Variants in TRPM3 observed in about 807,000 individuals in gnomAD.
TRPM3 encodes the protein long transient receptor potential channel 3.
TRPM3 carries 77 observed loss-of-function variants against 181.2 expected under a neutral mutation model. The ratio of observed to expected loss-of-function variants is 0.42; its 90% CI spans 0.35 to 0.51. The LOEUF is 0.51. Among genes scored for constraint, TRPM3 ranks in the 20% least tolerant of loss-of-function variants. TRPM3 has a pLI of 0.01. For synonymous variants in TRPM3, 745 were observed against 796.4 expected, an observed-to-expected ratio of 0.94 and a Z score of 1.09; for missense variants, 1,759 against 2,196.7, an observed-to-expected ratio of 0.80 and a Z score of 3.98.
At chr9:71,181,309 TTC>T (rs2077387635) in intron 1 of TRPM3, among the ~76,000 whole-genome samples, 1 of 152,008 alleles carries the variant, frequency 6.6e-6, no homozygotes, top group African/African-American at 2.4e-5. Flanking sequence ...AAACTTCAAC[TTC>T]TGTTTTAATA....
chr9:71,018,573 T>C (rs2097806980), intron 1 of TRPM3, among the ~76,000 whole-genome samples: 1 of 151,622 alleles, frequency 6.6e-6, no homozygotes, highest in East Asian at 1.9e-4. Flanking sequence ...AAAGGGAAAA[T>C]CCTTAGAAAA....
intron 6 of TRPM3, among the ~76,000 whole-genome samples, chr9:70,797,890 C>T (rs1446120909): frequency 1.3e-5 from 2 of 152,256 alleles, no homozygotes; most frequent in Non-Finnish European, 2.9e-5. Flanking sequence ...TGGGATTCTG[C>T]CCAATTTTGG....
intron 7 of TRPM3, chr9:70,775,176 A>G (rs2081111028): frequency 6.6e-6 from 1 of 152,162 alleles, no homozygotes; most frequent in Admixed American, 6.5e-5. Context: ...TTCAGAATCT[A>G]TTTCCTCTAA....
chr9:70,666,517 G>T (rs573922869), intron 9 of TRPM3, among the ~76,000 whole-genome samples: 1 of 152,310 alleles, frequency 6.6e-6, no homozygotes, highest in South Asian at 2.1e-4. Context: ...CAGTAGATTA[G>T]ATATAGGCCT....
intron 1 of TRPM3, among the ~76,000 whole-genome samples, chr9:71,081,112 C>T (rs2064255890): frequency 6.6e-6 from 1 of 152,176 alleles, no homozygotes; most frequent in Non-Finnish European, 1.5e-5. Flanking sequence ...CCCACCTCAG[C>T]TTCCTGGATG....
At chr9:70,602,432 A>C (rs1330782540) in intron 20 of TRPM3, among the ~76,000 whole-genome samples, 1 of 152,036 alleles carries the variant, frequency 6.6e-6, no homozygotes, top group Non-Finnish European at 1.5e-5. Context: ...TTTCCCACCC[A>C]CTGCAGTACA....
At chr9:70,990,402 A>G (rs2097467255) in intron 1 of TRPM3, among the ~76,000 whole-genome samples, 1 of 152,176 alleles carries the variant, frequency 6.6e-6, no homozygotes, top group African/African-American at 2.4e-5. Context: ...TAGAGCCCAG[A>G]CAATTCAATA....
chr9:71,352,230 TTTG>T (rs2091681547), intron 1 of TRPM3, among the ~76,000 whole-genome samples: 1 of 152,198 alleles, frequency 6.6e-6, no homozygotes, highest in Admixed American at 6.5e-5. Context: ...CATTATGTTA[TTTG>T]TTTTACATTT....
chr9:71,112,757 T>C (rs1480376553), intron 1 of TRPM3, among the ~76,000 whole-genome samples: 8 of 152,298 alleles, frequency 5.3e-5, no homozygotes, highest in Admixed American at 2.6e-4. Context: ...ATGCTAAAAG[T>C]AAAGCTAGAA....
chr9:71,318,954 C>T (rs961106035), intron 1 of TRPM3, among the ~76,000 whole-genome samples: 3 of 149,712 alleles, frequency 2.0e-5, no homozygotes, highest in Non-Finnish European at 4.5e-5. Flanking sequence ...CAAGCAACTA[C>T]AGGCTGCTTT....
At chr9:70,762,083 C>A (rs1587998653) in intron 7 of TRPM3, among the ~76,000 whole-genome samples, 1 of 152,044 alleles carries the variant, frequency 6.6e-6, no homozygotes, top group African/African-American at 2.4e-5. Flanking sequence ...TAGTACTGTT[C>A]TTAACAGTAC....
chr9:71,265,037 CT>C (rs2083293428), intron 1 of TRPM3, among the ~76,000 whole-genome samples: 1 of 152,030 alleles, frequency 6.6e-6, no homozygotes, highest in Non-Finnish European at 1.5e-5. Flanking sequence ...AGAAAGATAT[CT>C]TTATAAGTAT....
chr9:70,856,001 T>C (rs4351476), intron 3 of TRPM3, among the ~76,000 whole-genome samples: 55,394 of 152,014 alleles, frequency 0.36, 10,493 homozygotes, highest in Non-Finnish European at 0.39. Context: ...TGCAATGTCT[T>C]AATATGAGAT....
intron 1 of TRPM3, among the ~76,000 whole-genome samples, chr9:70,879,318 G>A (rs1037937485): frequency 6.6e-6 from 1 of 152,120 alleles, no homozygotes; most frequent in African/African-American, 2.4e-5. Context: ...AATGATTACT[G>A]TTGCATTTCA....
At chr9:70,953,462 G>A (rs2097027588) in intron 1 of TRPM3, among the ~76,000 whole-genome samples, 1 of 152,176 alleles carries the variant, frequency 6.6e-6, no homozygotes, top group Middle Eastern at 3.4e-3. Flanking sequence ...TCTGAAAAAT[G>A]TGACATTGTC....
rs374486757 is a variant in TRPM3 at position 70,843,103 on chromosome 9, G to C, written c.701C>G (p.Ala234Gly). The change falls in exon 5 of 26, where the codon GCC becomes GGC. Residue 234 changes from alanine to glycine, a missense_variant. By Grantham distance (60) the Ala-to-Gly change is moderately conservative. Transcript: ENST00000677713. ...NTGVIRHVGD[A>G]LKDHASKSRG... The stretch of plus-strand genomic sequence containing the variant: ...AGACTTAGAGGCATGATCCTTCAAG[G>C]CATCGCCAACATGACGAATAACACC... 7 of 1,608,876 alleles carry C rather than the reference G, an allele frequency of 4.4e-6. No homozygotes were observed. The highest frequency in any genetic ancestry group is 4.5e-5 in the East Asian group (2 of 44,784).
At chr9:70,918,590 AC>A (rs2096624624) in intron 1 of TRPM3, among the ~76,000 whole-genome samples, 3 of 152,192 alleles carry the variant, frequency 2.0e-5, no homozygotes, top group African/African-American at 7.2e-5. Context: ...AACACAACAT[AC>A]CAAAAACTGT....
chr9:71,156,803 G>C (rs1024016024), intron 1 of TRPM3, among the ~76,000 whole-genome samples: 2 of 151,978 alleles, frequency 1.3e-5, no homozygotes, highest in Admixed American at 1.3e-4. Flanking sequence ...AAGTCTAATG[G>C]AAGAATATTC....
At chr9:71,177,375 T>C (rs531055324) in intron 1 of TRPM3, among the ~76,000 whole-genome samples, 40 of 152,242 alleles carry the variant, frequency 2.6e-4, no homozygotes, top group Non-Finnish European at 5.3e-4. Flanking sequence ...CCCTGGTCTA[T>C]GGAAAAATTG....
Sources: allele counts gnomAD v4.1 joint callset (sites outside exome capture counted in the v4.1 genomes callset), GRCh38; gene constraint gnomAD v4.1.1; transcripts MANE v1.5; gene names NCBI Gene and HGNC (gene_info 2026-07-23, HGNC 2026-07-21).